Variants in CEP128 observed in about 807,000 individuals in gnomAD.
CEP128 encodes centrosomal protein 128, also known as centrosomal protein 128kDa.
A neutral mutation model predicts 156.7 loss-of-function variants in CEP128; 132 were observed. That is an observed-to-expected ratio of 0.84 (90% CI 0.73 to 0.97). The LOEUF is 0.97. Among genes scored for constraint, CEP128 ranks in the 50% least tolerant of loss-of-function variants. The pLI is 0.00. For missense variants in CEP128, 1,252 were observed against 1,281.9 expected (o/e 0.98, Z 0.36); for synonymous variants, 469 against 448.9 (o/e 1.04, Z -0.57).
chr14:80,477,868 C>T (rs1389126031), exon 15 of CEP128: 1 of 152,138 alleles, frequency 6.6e-6, no homozygotes, highest in Non-Finnish European at 1.5e-5. Flanking sequence ...GGCCTTTTTC[C>T]TTGTATTAAT....
chr14:80,509,800 A>C (rs947616514), intron 23 of CEP128, among the ~76,000 whole-genome samples: 6 of 152,160 alleles, frequency 3.9e-5, no homozygotes, highest in Non-Finnish European at 4.4e-5. Flanking sequence ...TGAATTTTAT[A>C]TATGATAAGA....
At chr14:80,538,938 A>T (rs967416840) in intron 21 of CEP128, among the ~76,000 whole-genome samples, 2 of 152,220 alleles carry the variant, frequency 1.3e-5, no homozygotes, top group African/African-American at 4.8e-5. Context: ...TAATGCTTGC[A>T]TTAGCAGTGG....
chr14:80,657,675 T>C (rs1036352215), intron 19 of CEP128, among the ~76,000 whole-genome samples: 2 of 151,906 alleles, frequency 1.3e-5, no homozygotes, highest in African/African-American at 4.8e-5. Context: ...AAACCACCTC[T>C]CAGGGGGATA....
In CEP128 at chr14:80,647,128, C is replaced by CAT. The variant is rs1272093350; in HGVS notation, c.2807-66706_2807-66705insAT. 3.7e-4 allele frequency among the ~76,000 whole-genome samples: 47 copies of CAT among 127,192 alleles called. 1 individual carries two copies. The South Asian group carries it at 0.01, about 28-fold the overall frequency. The allele number at this position is 127,192 out of a possible 152,430, so 83.4% of individuals were successfully genotyped here. On this transcript the variant is annotated intron_variant, in intron 19 of 24. Transcript: ENST00000555265. ...ACATACACACACACACACACACATA[C>CAT]ACACACACACACACACACACTGCAT...
chr14:80,938,099 T>C (rs1885919925), intron 2 of CEP128, among the ~76,000 whole-genome samples: 1 of 151,942 alleles, frequency 6.6e-6, no homozygotes, highest in Admixed American at 6.6e-5. Context: ...GGTCTTGCTA[T>C]GTTGCCCAAG....
chr14:80,748,819 T>TA (rs1299892711), intron 18 of CEP128, among the ~76,000 whole-genome samples: 1 of 151,968 alleles, frequency 6.6e-6, no homozygotes, highest in Non-Finnish European at 1.5e-5. Context: ...CAAGCCACAG[T>TA]AAAATAAAGC....
intron 21 of CEP128, among the ~76,000 whole-genome samples, chr14:80,535,615 TCA>T (rs34455428): frequency 4.8e-4 from 72 of 149,672 alleles, no homozygotes; most frequent in African/African-American, 1.2e-3. Flanking sequence ...ATGCACACAC[TCA>T]CACACACACA....
At chr14:80,936,017 C>A (rs770027032) in intron 2 of CEP128, among the ~76,000 whole-genome samples, 11 of 152,166 alleles carry the variant, frequency 7.2e-5, no homozygotes, top group Non-Finnish European at 1.5e-4. Flanking sequence ...AGGCTCAGTT[C>A]CAGGCTGTAT....
At chr14:80,528,946 T>A (rs1021282601) in intron 22 of CEP128, among the ~76,000 whole-genome samples, 2 of 152,222 alleles carry the variant, frequency 1.3e-5, no homozygotes, top group Non-Finnish European at 2.9e-5. Flanking sequence ...TATCTAGTCA[T>A]TTTTATTAAC....
chr14:80,869,242 C>T (rs1887915537), intron 8 of CEP128, among the ~76,000 whole-genome samples: 1 of 151,924 alleles, frequency 6.6e-6, no homozygotes, highest in African/African-American at 2.4e-5. Flanking sequence ...CAAGTCTTAA[C>T]ATATTTAAGA....
intron 17 of CEP128, among the ~76,000 whole-genome samples, chr14:80,757,893 C>T (rs1341281594): frequency 6.6e-6 from 1 of 152,186 alleles, no homozygotes; most frequent in Non-Finnish European, 1.5e-5. Context: ...TTTCTCTCAT[C>T]CACCTTTCTA....
At chr14:80,798,367 C>G (rs781183410) in intron 13 of CEP128, among the ~76,000 whole-genome samples, 1 of 152,152 alleles carries the variant, frequency 6.6e-6, no homozygotes, top group African/African-American at 2.4e-5. Context: ...GAAAAAGGCA[C>G]ACGAAGTGAA....
At chr14:80,947,820 C>T (rs962373787) in intron 2 of CEP128, among the ~76,000 whole-genome samples, 3 of 152,118 alleles carry the variant, frequency 2.0e-5, no homozygotes, top group African/African-American at 7.2e-5. Flanking sequence ...ACAGAGTGCC[C>T]GGCCTCCACT....
intron 19 of CEP128, among the ~76,000 whole-genome samples, chr14:80,688,176 T>G (rs748059262): frequency 8.5e-5 from 13 of 152,166 alleles, no homozygotes; most frequent in Non-Finnish European, 1.3e-4. Flanking sequence ...CTAAACTCTA[T>G]GTAGGATAGA....
intron 18 of CEP128, among the ~76,000 whole-genome samples, chr14:80,743,815 C>T (rs1412738350): frequency 1.3e-5 from 2 of 151,890 alleles, no homozygotes; most frequent in East Asian, 3.9e-4. Context: ...GGCAACTCTA[C>T]TTCACAGATT....
intron 8 of CEP128, among the ~76,000 whole-genome samples, chr14:80,883,677 TAC>T (rs1381176329): frequency 6.6e-6 from 1 of 152,032 alleles, no homozygotes; most frequent in Non-Finnish European, 1.5e-5. Flanking sequence ...CAAAGCAATC[TAC>T]AGATTCAATG....
At chr14:80,777,063 T>C (rs1900833102) in intron 16 of CEP128, among the ~76,000 whole-genome samples, 1 of 152,212 alleles carries the variant, frequency 6.6e-6, no homozygotes, top group African/African-American at 2.4e-5. Flanking sequence ...AGTGCCTACC[T>C]ACCACATAAG....
chr14:80,577,796 G>T (rs900528177), intron 20 of CEP128, among the ~76,000 whole-genome samples: 8 of 152,148 alleles, frequency 5.3e-5, no homozygotes, highest in African/African-American at 1.9e-4. Flanking sequence ...CCTCCACGAG[G>T]TCCTTTAGAT....
intron 19 of CEP128, among the ~76,000 whole-genome samples, chr14:80,711,424 C>T (rs1236019200): frequency 6.6e-6 from 1 of 151,702 alleles, no homozygotes; most frequent in Non-Finnish European, 1.5e-5. Context: ...CCCTTTCAAA[C>T]ATACATAAGA....
Sources: gnomAD v4.1 joint callset for allele counts (sites outside exome capture counted in the v4.1 genomes callset) on GRCh38, gnomAD v4.1.1 for gene constraint, MANE v1.5 for transcripts, NCBI Gene and HGNC (gene_info 2026-07-23, HGNC 2026-07-21) for gene names.